Variants in POP1 observed in about 807,000 individuals in gnomAD.
POP1 encodes the protein ribonucleases P/MRP protein subunit POP1.
In POP1, 75 loss-of-function variants were observed where a neutral mutation model predicts 102.2. The observed-to-expected ratio is 0.73, with a 90% CI of 0.61 to 0.89. The LOEUF is 0.89. Ranked by LOEUF, POP1 falls within the 40% of genes least tolerant of loss-of-function variation. The pLI, the probability that POP1 is intolerant of heterozygous loss-of-function variation, is 0.00. For synonymous variants in POP1, 436 were observed against 464.1 expected (o/e 0.94, Z 0.78); for missense variants, 1,116 against 1,267.4 (o/e 0.88, Z 1.81).
intron 11 of POP1, among the ~76,000 whole-genome samples, chr8:98,144,651 A>G (rs1003007180): frequency 1.3e-5 from 2 of 152,170 alleles, no homozygotes; most frequent in African/African-American, 2.4e-5. Flanking sequence ...AGTATCAACT[A>G]TCTCTTTTGT....
At chr8:98,120,967 G>A (rs1816001130) in intron 1 of POP1, among the ~76,000 whole-genome samples, 1 of 151,886 alleles carries the variant, frequency 6.6e-6, no homozygotes, top group Non-Finnish European at 1.5e-5. Flanking sequence ...TTTTTTAGTA[G>A]AGATGGGATT....
intron 11 of POP1, among the ~76,000 whole-genome samples, chr8:98,143,147 G>T (rs901784462): frequency 6.6e-6 from 1 of 152,164 alleles, no homozygotes; most frequent in Non-Finnish European, 1.5e-5. Context: ...ATCAATTCAA[G>T]AACTTTTGTC....
At chr8:98,120,956 A>G (rs111927216) in intron 1 of POP1, among the ~76,000 whole-genome samples, 9,166 of 151,524 alleles carry the variant, frequency 0.06, 368 homozygotes, top group Middle Eastern at 0.16. Context: ...TCATTTTTGT[A>G]TTTTTTAGTA....
intron 3 of POP1, 30 bp from the exon 4 acceptor site, chr8:98,128,335 G>A (rs1487492564): frequency 1.9e-6 from 3 of 1,609,476 alleles, no homozygotes; most frequent in East Asian, 4.5e-5. Context: ...CAAGATTGGT[G>A]TTTAATGACT....
At position 98,158,681 on chromosome 8, in the gene POP1, C is replaced by G. The variant is rs1563788895; in HGVS notation, c.*410C>G. 3 of 184,398 alleles carry G rather than the reference C, an allele frequency of 1.6e-5. No homozygotes were observed. The highest frequency in any genetic ancestry group is 7.2e-5 in the African/African-American group (3 of 41,756). The allele number at this position is 184,398 out of a possible 1,614,324, so 11.4% of individuals were successfully genotyped here. A position where few individuals can be genotyped will look rare whatever the true frequency, so the allele number is the denominator to read the frequency against. ...ATGATTTCACTGTTATAGCAGAAGACAAGAGAAGACGCTTGGCCTCTGTAC... is the reference window on the plus strand; with the variant it reads ...ATGATTTCACTGTTATAGCAGAAGAGAAGAGAAGACGCTTGGCCTCTGTAC... On this transcript the variant is annotated 3_prime_UTR_variant, in exon 16 of 16. Transcript: ENST00000401707.
chr8:98,127,905 A>G, intron 3 of POP1, 143 bp downstream of exon 3: 1 of 849,446 alleles, frequency 1.2e-6, no homozygotes, highest in Non-Finnish European at 1.9e-6. Context: ...TCTCGCCTCT[A>G]GCCTGGACTT....
chr8:98,128,767 CA>C (rs1816290008), intron 4 of POP1, among the ~76,000 whole-genome samples: 1 of 152,014 alleles, frequency 6.6e-6, no homozygotes, highest in African/African-American at 2.4e-5. Flanking sequence ...AAAAAATCCG[CA>C]AATTAGCTGG....
Position 98,134,517 on chromosome 8 carries a change from G to A in POP1, c.869G>A (p.Gly290Glu). Residue 290 changes from glycine (G) to glutamate (E), a missense_variant, in exon 7 of 16, where the codon GGG (glycine) becomes GAG (glutamate). Gly to Glu is a moderately conservative substitution (Grantham distance 98, BLOSUM62 -2). Transcript: ENST00000401707. ...AVHCLSGKRQGSLVLYRVNKY... is the reference protein window; with the variant it reads ...AVHCLSGKRQESLVLYRVNKY... The stretch of plus-strand genomic sequence containing the variant: ...CACTGCTTGTCTGGAAAGCGCCAAG[G>A]GAGCCTTGTGCTTTATCGGGTGAAT... 1 of 1,614,162 alleles carries A rather than the reference G, an allele frequency of 6.2e-7. No homozygotes were observed. The highest frequency in any genetic ancestry group is 8.5e-7 in the Non-Finnish European group (1 of 1,180,022).
rs368501096 is a variant in POP1, at chr8:98,158,122, G to A, written c.2926G>A (p.Val976Ile). ...GACTCAGGGAGATTTTTCCATGGCT[G>A]TTGGCTGTGGAGAAGCCCTGGGGTT... ...FVTQGDFSMA[V>I]GCGEALGFVS... The change falls in exon 16 of 16, where the codon GTT becomes ATT. Residue 976 changes from valine to isoleucine, a missense_variant. By Grantham distance (29) the Val-to-Ile change is conservative. Coordinates refer to ENST00000401707, the MANE Select transcript of POP1 (RefSeq NM_001145860.2). The A allele has an allele frequency of 6.2e-7, 1 of 1,606,636 alleles. No individual in the cohort carries two copies. The highest frequency in any genetic ancestry group is 8.5e-7 in the Non-Finnish European group (1 of 1,176,882).
At chr8:98,148,770 A>G in intron 12 of POP1, 45 bp from the exon 13 acceptor site, 1 of 1,550,094 alleles carries the variant, frequency 6.5e-7, no homozygotes, top group Non-Finnish European at 8.8e-7. Context: ...AGGATCTCCC[A>G]GAAGACTAGG....
rs1294737055 is a variant in POP1 at position 98,158,674 on chromosome 8, C to G, written c.*403C>G. On this transcript the variant is annotated 3_prime_UTR_variant, in exon 16 of 16. Transcript: ENST00000401707. ...ATGTTTAATGATTTCACTGTTATAG[C>G]AGAAGACAAGAGAAGACGCTTGGCC... 5.2e-6 allele frequency: 1 copy of G among 193,270 alleles called. No individual in the cohort carries two copies. The highest frequency in any genetic ancestry group is 1.1e-5 in the Non-Finnish European group (1 of 93,622). The allele number at this position is 193,270 out of a possible 1,614,324, so 12.0% of individuals were successfully genotyped here.
chr8:98,129,891 C>T (rs1378914040), intron 4 of POP1, 87 bp from the exon 5 acceptor site: 1 of 1,456,078 alleles, frequency 6.9e-7, no homozygotes. Context: ...TCCACTTAAT[C>T]TAAAGTTATT....
intron 5 of POP1, among the ~76,000 whole-genome samples, chr8:98,131,803 T>C (rs752970990): frequency 6.4e-4 from 98 of 152,354 alleles, no homozygotes; most frequent in Admixed American, 1.2e-3. Flanking sequence ...TTGATCACAG[T>C]CATTCTAATG....
At chr8:98,139,391 C>T (rs1816642357) in intron 9 of POP1, among the ~76,000 whole-genome samples, 2 of 152,140 alleles carry the variant, frequency 1.3e-5, no homozygotes, top group Non-Finnish European at 2.9e-5. Flanking sequence ...TGGTGAGGAA[C>T]ATTTTATTGC....
intron 15 of POP1, 58 bp downstream of exon 15, chr8:98,156,470 C>A: frequency 1.2e-6 from 2 of 1,603,914 alleles, no homozygotes; most frequent in Non-Finnish European, 8.5e-7. Context: ...ATTGAAGAGG[C>A]TACAGGATGT....
rs1809486123 is a variant in POP1 at position 98,150,486 on chromosome 8, T to G, written c.1904T>G (p.Ile635Ser). 3 of 1,613,942 alleles carry G rather than the reference T, an allele frequency of 1.9e-6. No homozygotes were observed. The highest frequency in any genetic ancestry group is 1.7e-6 in the Non-Finnish European group (2 of 1,179,992). The change falls in exon 14 of 16, where the codon ATT becomes AGT. Residue 635 changes from isoleucine (I) to serine (S), a missense_variant and splice_region_variant. By Grantham distance (142) the Ile-to-Ser change is moderately radical (BLOSUM62 -2). Transcript: ENST00000401707. ...GWGMAFWIPF[I>S]YRGVRVGGLK... ...GTATCTTTTTGACATTTCTTTTAGA[T>G]TTATCGAGGTGTGAGAGTCGGAGGG...
In POP1 at chr8:98,156,378, G is replaced by A. The variant is rs776768644; in HGVS notation, c.2386G>A (p.Val796Ile). ...ITDQEASENHVAATGSHLCVL... is the reference protein window; with the variant it reads ...ITDQEASENHIAATGSHLCVL... ...AGACCAGGAGGCCAGTGAAAACCATGTTGCTGCCACAGGGAGTCACCTCTG... is the reference window on the plus strand; with the variant it reads ...AGACCAGGAGGCCAGTGAAAACCATATTGCTGCCACAGGGAGTCACCTCTG... The change falls in exon 15 of 16, where the codon GTT (valine) becomes ATT (isoleucine). Residue 796 changes from valine to isoleucine, a missense_variant. By Grantham distance (29) the Val-to-Ile change is conservative (BLOSUM62 3). Coordinates refer to ENST00000401707, the MANE Select transcript of POP1 (RefSeq NM_001145860.2). The A allele has an allele frequency of 6.8e-5, 109 of 1,613,832 alleles. No homozygotes were observed. Among genetic ancestry groups the A allele is most frequent in the Non-Finnish European group, 8.9e-5 (105 of 1,180,016 alleles).
At chr8:98,135,706 A>C (rs1301028664) in intron 7 of POP1, among the ~76,000 whole-genome samples, 2 of 151,746 alleles carry the variant, frequency 1.3e-5, no homozygotes, top group Non-Finnish European at 2.9e-5. Context: ...AATTAAAAAA[A>C]ATTTTTTTTT....
In POP1 at chr8:98,120,898, G is replaced by A. The variant is rs1296805571; in HGVS notation, c.-2-2438G>A. Among the ~76,000 whole-genome samples the A allele has an allele frequency of 2.0e-5, 3 of 152,084 alleles. No homozygotes were observed. In the South Asian group the frequency reaches 6.2e-4, roughly 32 times the overall value. Reference sequence around the variant, plus strand: ...CCTGACCTTGTGATCCTTCTGCCTCGGCCTTCCAAAGTGCTGGGATTACAG... The same window carrying A: ...CCTGACCTTGTGATCCTTCTGCCTCAGCCTTCCAAAGTGCTGGGATTACAG... On this transcript the variant is annotated intron_variant, in intron 1 of 15. Transcript: ENST00000401707.
Sources: gnomAD v4.1 joint callset for allele counts (sites outside exome capture counted in the v4.1 genomes callset) on GRCh38, gnomAD v4.1.1 for gene constraint, MANE v1.5 for transcripts, NCBI Gene and HGNC (gene_info 2026-07-23, HGNC 2026-07-21) for gene names.